Variants in SSBP4 observed in about 807,000 individuals in gnomAD.
SSBP4 encodes the protein single-stranded DNA-binding protein 4.
Under a neutral mutation model 64.6 loss-of-function variants are expected in SSBP4, and 33 were observed. The observed-to-expected ratio is 0.51, with a 90% CI of 0.39 to 0.68. The LOEUF (loss-of-function observed/expected upper bound fraction) is 0.68, where lower values mean the gene tolerates loss of function less well. Among genes scored for constraint, SSBP4 ranks in the 30% least tolerant of loss-of-function variants. The pLI is 0.00. For synonymous variants in SSBP4, 243 were observed against 224.0 expected, an observed-to-expected ratio of 1.08 and a Z score of -0.76; for missense variants, 583 against 566.8, an observed-to-expected ratio of 1.03 and a Z score of -0.29.
rs1302640284 is a variant in SSBP4, at chr19:18,423,678, C to G, written c.60-3673C>G. 2.6e-5 allele frequency among the ~76,000 whole-genome samples: 4 copies of G among 152,214 alleles called. No homozygotes were observed. Among genetic ancestry groups the G allele is most frequent in the African/African-American group, 4.8e-5 (2 of 41,456 alleles). ...CAGGCGCTAGCACCCCATCCTGGCTCTGCTTCCCTGCACAGCCTCATGCTC... is the reference window on the plus strand; with the variant it reads ...CAGGCGCTAGCACCCCATCCTGGCTGTGCTTCCCTGCACAGCCTCATGCTC... On this transcript the variant is annotated intron_variant, in intron 1 of 17. Coordinates refer to ENST00000270061, the MANE Select transcript of SSBP4 (RefSeq NM_032627.5). The surrounding 1 kb of genome is among the most constrained non-coding windows in gnomAD (Gnocchi z 4.0).
At chr19:18,424,797 C>T (rs28534973) in intron 1 of SSBP4, among the ~76,000 whole-genome samples, 42,180 of 149,718 alleles carry the variant, frequency 0.28, 6,927 homozygotes, top group African/African-American at 0.46. Flanking sequence ...CACGCCTGTG[C>T]GCACGCCACC....
chr19:18,430,811 T>A (rs1337247032), intron 4 of SSBP4, 30 bp from the exon 5 acceptor site: 2 of 1,592,112 alleles, frequency 1.3e-6, no homozygotes, highest in Admixed American at 3.5e-5. Flanking sequence ...TGTCCTGACC[T>A]GGCCCTCTGG....
chr19:18,433,072 CG>C (rs1305731540), intron 14 of SSBP4, 29 bp downstream of exon 14: 3 of 1,613,738 alleles, frequency 1.9e-6, no homozygotes, highest in Non-Finnish European at 2.5e-6. Context: ...GGGTGCTTCT[CG>C]AGGCGGTGAC....
rs1224671515 is a variant in SSBP4 at position 18,434,234 on chromosome 19, C to T, written c.1146C>T (p.Thr382=). The T allele has an allele frequency of 3.7e-6, 6 of 1,611,894 alleles. No individual in the cohort carries two copies. The highest frequency in any genetic ancestry group is 5.1e-6 in the Non-Finnish European group (6 of 1,179,576). ...CTCCGCAGTACTCGCCAGGGATGACCATGAGCGTGTGATGGGGCGGCAGCC... is the reference window on the plus strand; with the variant it reads ...CTCCGCAGTACTCGCCAGGGATGACTATGAGCGTGTGATGGGGCGGCAGCC... ...FPSESYSPGM[T]MSV is the part of the protein sequence containing the mutation. The change falls in exon 18 of 18, where the codon ACC becomes ACT. Residue 382 remains threonine, a synonymous_variant. Coordinates refer to ENST00000270061, the MANE Select transcript of SSBP4 (RefSeq NM_032627.5).
intron 10 of SSBP4, among the ~76,000 whole-genome samples, 155 bp from the exon 11 acceptor site, chr19:18,432,404 G>A (rs1366480290): frequency 6.6e-6 from 1 of 152,204 alleles, no homozygotes; most frequent in Non-Finnish European, 1.5e-5. Flanking sequence ...GGTTGGGATT[G>A]GAACCTGGCA....
At chr19:18,414,295 C>G (rs1013525023), upstream of SSBP4, among the ~76,000 whole-genome samples, 1 of 152,134 alleles carries the variant, frequency 6.6e-6, no homozygotes, top group African/African-American at 2.4e-5. Flanking sequence ...GTCCTTGGTT[C>G]CTTTACGAGC....
intron 1 of SSBP4, among the ~76,000 whole-genome samples, chr19:18,421,664 G>A (rs1042591178): frequency 6.6e-6 from 1 of 152,228 alleles, no homozygotes; most frequent in African/African-American, 2.4e-5. Flanking sequence ...CACAGCAAGT[G>A]CAAAGGCCCT....
the SSBP4 span, among the ~76,000 whole-genome samples, chr19:18,411,492 C>A: frequency 1.3e-5 from 2 of 151,488 alleles, no homozygotes; most frequent in East Asian, 3.9e-4. Context: ...GAGACTTCGT[C>A]TTAAAGAAAA....
At chr19:18,407,248 G>C in the SSBP4 span, among the ~76,000 whole-genome samples, 1 of 151,736 alleles carries the variant, frequency 6.6e-6, no homozygotes. Flanking sequence ...TTGTTGGCCA[G>C]GCTGGTCTCG....
chr19:18,403,707 AGGTCTGGGGGTCTTGG>A, the SSBP4 span, among the ~76,000 whole-genome samples: 1 of 24,132 alleles, frequency 4.1e-5, no homozygotes, highest in African/African-American at 1.8e-4. Flanking sequence ...TGGGGTCCTG[AGGTCTGGGGGTCTTGG>A]GGTCTGGGGG....
At position 18,427,684 on chromosome 19, in the gene SSBP4, G is replaced by A. The variant is rs1972957861; in HGVS notation, c.133-68G>A. ...TCCCTCCCTGCCCAGATGTTCTCTGGGCACCCTGCTGGGTGGTGGGGCAGG... is the reference window on the plus strand; with the variant it reads ...TCCCTCCCTGCCCAGATGTTCTCTGAGCACCCTGCTGGGTGGTGGGGCAGG... On this transcript the variant is annotated intron_variant, in intron 2 of 17. Coordinates refer to ENST00000270061, the MANE Select transcript of SSBP4 (RefSeq NM_032627.5). This position sits in a 1 kb window ranked among gnomAD's most constrained non-coding sequence, Gnocchi z 4.4. The A allele has an allele frequency of 3.3e-6, 5 of 1,509,370 alleles. No homozygotes were observed. In the East Asian group the frequency reaches 1.1e-4, roughly 34 times the overall value. 93.5% of individuals were successfully genotyped at this position (1,509,370 alleles called of 1,614,324 possible).
At chr19:18,429,470 CG>C (rs72317419) in intron 4 of SSBP4, among the ~76,000 whole-genome samples, 12,807 of 116,402 alleles carry the variant, frequency 0.11, 988 homozygotes, top group African/African-American at 0.23. Flanking sequence ...TCGCAGGGGG[CG>C]GGGGGGGGGT....
At chr19:18,428,046 GGA>G in intron 4 of SSBP4, 64 bp downstream of exon 4, 1 of 1,525,432 alleles carries the variant, frequency 6.6e-7, no homozygotes, top group East Asian at 2.3e-5. Context: ...CTGTGGCTGG[GGA>G]GGTGGGGTGG....
Position 18,432,030 on chromosome 19 carries a change from G to T in SSBP4, c.596G>T (p.Arg199Met). The T allele has an allele frequency of 6.3e-7, 1 of 1,580,626 alleles. No homozygotes were observed. The highest frequency in any genetic ancestry group is 8.6e-7 in the Non-Finnish European group (1 of 1,159,408). Residue 199 changes from arginine to methionine, a missense_variant, in exon 9 of 18, where the codon AGG (arginine) becomes ATG (methionine). Physicochemically the swap from Arg to Met is moderately conservative, Grantham distance 91. Transcript: ENST00000270061. ...GHPSMGGPMQ[R>M]VTPPRGMASV... ...CCGAGCATGGGCGGCCCAATGCAGA[G>T]GGTGACGCCTCCTCGTGGCATGGCC... is the stretch of plus-strand genomic sequence containing the variant.
rs925945421 is a variant in SSBP4 at position 18,419,403 on chromosome 19, C to T, written c.-246C>T. On this transcript the variant is annotated 5_prime_UTR_variant, in exon 1 of 18. Coordinates refer to ENST00000270061, the MANE Select transcript of SSBP4 (RefSeq NM_032627.5). ...GCGGGAGGAGGGGAGCGCGCGTTTC[C>T]CGGAACAGCCCGCGCGGAGGAAAGG... 1 of 1,034,688 alleles carries T rather than the reference C, an allele frequency of 9.7e-7. No individual in the cohort carries two copies. Among genetic ancestry groups the T allele is most frequent in the Non-Finnish European group, 1.2e-6 (1 of 864,272 alleles). The allele number at this position is 1,034,688 out of a possible 1,614,324, so 64.1% of individuals were successfully genotyped here.
the SSBP4 span, among the ~76,000 whole-genome samples, chr19:18,403,251 T>C: frequency 6.6e-6 from 1 of 152,206 alleles, no homozygotes; most frequent in Non-Finnish European, 1.5e-5. Flanking sequence ...TCTTGATGCA[T>C]TCCTCTTGCT....
At chr19:18,411,498 GA>G in the SSBP4 span, among the ~76,000 whole-genome samples, 19 of 147,678 alleles carry the variant, frequency 1.3e-4, no homozygotes, top group East Asian at 5.9e-4. Flanking sequence ...TCGTCTTAAA[GA>G]AAAAAAAAAG....
chr19:18,411,967 C>T, the SSBP4 span, among the ~76,000 whole-genome samples: 18 of 151,716 alleles, frequency 1.2e-4, no homozygotes, highest in African/African-American at 4.1e-4. Context: ...AGTTCGAGAC[C>T]AACCTGGGAA....
the SSBP4 span, among the ~76,000 whole-genome samples, chr19:18,412,757 T>C: frequency 6.6e-6 from 1 of 152,062 alleles, no homozygotes; most frequent in Non-Finnish European, 1.5e-5. Flanking sequence ...TCCTAGCTAC[T>C]TGGGAGGCCA....
Sources: gnomAD v4.1 joint callset for allele counts (sites outside exome capture counted in the v4.1 genomes callset) on GRCh38, gnomAD v4.1.1 for gene constraint, Gnocchi (gnomAD v3.1) non-coding constraint, MANE v1.5 for transcripts, NCBI Gene and HGNC (gene_info 2026-07-23, HGNC 2026-07-21) for gene names.